The following ENO2 variants were observed in gnomAD, a reference collection of about 807,000 sequenced individuals.
ENO2 encodes the protein enolase 2.
Under a neutral mutation model 48.7 loss-of-function variants are expected in ENO2, and 19 were observed. The observed-to-expected ratio is 0.39, with a 90% CI of 0.27 to 0.57. ENO2 has a LOEUF of 0.57. ENO2 is among the 20% of genes least tolerant of loss of function. The pLI is 0.58. For synonymous variants in ENO2, 198 were observed against 213.4 expected (o/e 0.93, Z 0.63); for missense variants, 416 against 555.0 (o/e 0.75, Z 2.52).
rs535002011 is a variant in ENO2 at position 6,916,505 on chromosome 12, A to G, written c.174A>G (p.Leu58=). 2.5e-6 allele frequency: 4 copies of G among 1,614,014 alleles called. No individual in the cohort carries two copies. Among genetic ancestry groups the G allele is most frequent in the South Asian group, 2.2e-5 (2 of 91,062 alleles). ...GGGATGGAGACAAACAGCGTTACTT[A>G]GGCAAAGGTGAGGTCCCTTCTCTTT... The part of the protein sequence containing the change: ...ELRDGDKQRY[L]GKGVLKAVDH... The change falls in exon 3 of 12, where the codon TTA becomes TTG. Residue 58 remains leucine, a synonymous_variant. Transcript: ENST00000229277. This position sits in a 1 kb window ranked among gnomAD's most constrained non-coding sequence, Gnocchi z 4.5.
chr12:6,922,925 G>C lies in ENO2; in HGVS notation c.*125G>C. 1.0e-6 allele frequency: 1 copy of C among 981,442 alleles called. No individual in the cohort carries two copies. The highest frequency in any genetic ancestry group is 1.6e-6 in the Non-Finnish European group (1 of 635,788). 60.8% of individuals were successfully genotyped at this position (981,442 alleles called of 1,614,324 possible). On this transcript the variant is annotated 3_prime_UTR_variant, in exon 12 of 12. Transcript: ENST00000229277. This position sits in a 1 kb window ranked among gnomAD's most constrained non-coding sequence, Gnocchi z 5.3. The stretch of plus-strand genomic sequence containing the variant: ...CAGGGTGCCCAGAACTTCCCTGATT[G>C]ACCTGCTCCGCTGCTCCTTGGCTTA...
rs1945350439 is a variant in ENO2 at position 6,922,588 on chromosome 12, G to A, written c.1236-143G>A. ...GATTGACAAATCCCAGAGATCACAT[G>A]GGAAAGCCAGGGAATGCTAAGCCTT... On this transcript the variant is annotated intron_variant, in intron 11 of 11. Coordinates refer to ENST00000229277, the MANE Select transcript of ENO2 (RefSeq NM_001975.3). The surrounding 1 kb of genome is among the most constrained non-coding windows in gnomAD (Gnocchi z 5.3). 1.6e-6 allele frequency: 2 copies of A among 1,275,342 alleles called. No individual in the cohort carries two copies. The highest frequency in any genetic ancestry group is 1.5e-5 in the African/African-American group (1 of 67,914). The allele number at this position is 1,275,342 out of a possible 1,614,324, so 79.0% of individuals were successfully genotyped here.
chr12:6,915,705 A>ACCCCCC, intron 1 of ENO2, 116 bp from the exon 2 acceptor site: 2 of 90,310 alleles, frequency 2.2e-5, no homozygotes, highest in Non-Finnish European at 4.5e-5. Flanking sequence ...CCCACCCCCC[A>ACCCCCC]CCCACTGCAG....
At chr12:6,917,907 CTT>C (rs1555141794) in intron 6 of ENO2, 31 bp from the exon 7 acceptor site, 6 of 1,611,842 alleles carry the variant, frequency 3.7e-6, no homozygotes, top group Middle Eastern at 1.9e-4. Context: ...GGGAGGGGCT[CTT>C]TGACCCTTCT....
chr12:6,917,628 A>G lies in ENO2; in HGVS notation c.358A>G (p.Lys120Glu), dbSNP rs1555141730. The change falls in exon 6 of 12, where the codon AAG becomes GAG. Residue 120 changes from lysine to glutamate, a missense_variant. Physicochemically the swap from Lys to Glu is moderately conservative, Grantham distance 56. Coordinates refer to ENST00000229277, the MANE Select transcript of ENO2 (RefSeq NM_001975.3). ...AILGVSLAVC[K>E]AGAAERELPL... The stretch of plus-strand genomic sequence containing the variant: ...CCTGGGTGTGTCTCTGGCCGTGTGT[A>G]AGGCAGGGGCAGCTGAGCGGGAACT... The G allele has an allele frequency of 1.2e-6, 2 of 1,613,724 alleles. No homozygotes were observed. The highest frequency in any genetic ancestry group is 4.5e-5 in the East Asian group (2 of 44,876).
rs139729747 is a variant in ENO2, at chr12:6,914,657, G to A, written c.-15G>A. ...TACCACCGTCTGAGTCTGCAGTCCC[G>A]AGGTGAAGCCCCCGCCAGGCCCAGA... On this transcript the variant is annotated splice_region_variant and 5_prime_UTR_variant, in exon 1 of 12. Transcript: ENST00000229277. This position sits in a 1 kb window ranked among gnomAD's most constrained non-coding sequence, Gnocchi z 7.1. 0.01 allele frequency: 1,604 copies of A among 159,130 alleles called. 31 individuals are homozygous for A. Among genetic ancestry groups the A allele is most frequent in the South Asian group, 0.067 (442 of 6,640 alleles). 9.9% of individuals were successfully genotyped at this position (159,130 alleles called of 1,614,324 possible).
Position 6,917,717 on chromosome 12 carries a change from G to A in ENO2, c.444+3G>A. 7.5e-7 allele frequency: 1 copy of A among 1,325,870 alleles called. No individual in the cohort carries two copies. The highest frequency in any genetic ancestry group is 9.8e-7 in the Non-Finnish European group (1 of 1,019,020). 82.1% of individuals were successfully genotyped at this position (1,325,870 alleles called of 1,614,324 possible). On this transcript the variant is annotated splice_donor_region_variant and intron_variant, in intron 6 of 11. Coordinates refer to ENST00000229277, the MANE Select transcript of ENO2 (RefSeq NM_001975.3). ...CAGACCTCATCCTGCCTGTGCCGGT[G>A]AGCAATAAGCCAGCCTGCGGCTCTC...
In ENO2 at chr12:6,916,610, T is replaced by A; in HGVS notation, c.182-61T>A. On this transcript the variant is annotated intron_variant, in intron 3 of 11. Transcript: ENST00000229277. The surrounding 1 kb of genome is among the most constrained non-coding windows in gnomAD (Gnocchi z 4.5). ...CCTCCTCTAGCATGGCTTCCCCTCC[T>A]CCCATTGATCCCTTCCGGCCCCTCC... is the stretch of plus-strand genomic sequence containing the variant. The A allele has an allele frequency of 1.9e-6, 3 of 1,611,748 alleles. No individual in the cohort carries two copies. Among genetic ancestry groups the A allele is most frequent in the Non-Finnish European group, 2.5e-6 (3 of 1,178,032 alleles).
rs782450771 is a variant in ENO2, at chr12:6,917,721, A to C, written c.444+7A>C. The C allele has an allele frequency of 4.7e-5, 69 of 1,463,910 alleles. No homozygotes were observed. Among genetic ancestry groups the C allele is most frequent in the Non-Finnish European group, 5.9e-5 (66 of 1,111,448 alleles). The allele number at this position is 1,463,910 out of a possible 1,614,324, so 90.7% of individuals were successfully genotyped here. On this transcript the variant is annotated splice_region_variant and intron_variant, in intron 6 of 11. Transcript: ENST00000229277. ...CCTCATCCTGCCTGTGCCGGTGAGC[A>C]ATAAGCCAGCCTGCGGCTCTCCCAG...
chr12:6,915,997 T>G (rs1945287589), intron 2 of ENO2, 80 bp downstream of exon 2: 2 of 1,400,372 alleles, frequency 1.4e-6, no homozygotes, highest in Admixed American at 3.5e-5. Flanking sequence ...TTCGGAGGCC[T>G]TTTTTGATAC....
chr12:6,921,177 T>G (rs1461645730), intron 8 of ENO2, among the ~76,000 whole-genome samples: 1 of 151,260 alleles, frequency 6.6e-6, no homozygotes, highest in Non-Finnish European at 1.5e-5. Context: ...GGAGGACTGC[T>G]TGAATCCAGG....
intron 8 of ENO2, among the ~76,000 whole-genome samples, chr12:6,920,690 A>C (rs1591653480): frequency 7.1e-6 from 1 of 140,740 alleles, no homozygotes; most frequent in African/African-American, 2.6e-5. Flanking sequence ...GTGAGCCACC[A>C]CGCCTGGCTG....
intron 1 of ENO2, 62 bp from the exon 2 acceptor site, chr12:6,915,759 A>C: frequency 2.5e-6 from 2 of 803,018 alleles, no homozygotes; most frequent in Non-Finnish European, 1.9e-6. Flanking sequence ...CCGCCCATTG[A>C]TCTCAGGCTC....
chr12:6,922,485 C>T lies in ENO2; in HGVS notation c.1235+83C>T. The T allele has an allele frequency of 6.5e-7, 1 of 1,546,804 alleles. No individual in the cohort carries two copies. The highest frequency in any genetic ancestry group is 8.9e-7 in the Non-Finnish European group (1 of 1,120,100). ...GCCAGACCATCTGTAGCACCAAGGGCCTGGATAACAGTCCATTTCCTGGAT... is the reference window on the plus strand; with the variant it reads ...GCCAGACCATCTGTAGCACCAAGGGTCTGGATAACAGTCCATTTCCTGGAT... On this transcript the variant is annotated intron_variant, in intron 11 of 11. Transcript: ENST00000229277. This position sits in a 1 kb window ranked among gnomAD's most constrained non-coding sequence, Gnocchi z 5.3.
rs199538185 is a variant in ENO2 at position 6,916,710 on chromosome 12, C to T, written c.221C>T (p.Ala74Val). 5.3e-5 allele frequency: 85 copies of T among 1,614,182 alleles called. No individual in the cohort carries two copies. In the East Asian group the frequency reaches 1.5e-3, roughly 28 times the overall value. ...KAVDHINSTI[A>V]PALISSGLSV... ...GTGGACCACATCAACTCCACCATCG[C>T]GCCAGCCCTCATCAGCTCAGTGAGG... The change falls in exon 4 of 12, where the codon GCG becomes GTG. Residue 74 changes from alanine to valine, a missense_variant. Transcript: ENST00000229277. The surrounding 1 kb of genome is among the most constrained non-coding windows in gnomAD (Gnocchi z 4.5).
chr12:6,917,941 C>G lies in ENO2; in HGVS notation c.446C>G (p.Ala149Gly). 1.9e-6 allele frequency: 3 copies of G among 1,614,002 alleles called. No individual in the cohort carries two copies. Among genetic ancestry groups the G allele is most frequent in the Non-Finnish European group, 2.5e-6 (3 of 1,180,008 alleles). Reference sequence around the variant, plus strand: ...TTCTGTCTTTCTGTGGCTCCCCAGGCCTTCAACGTGATCAATGGTGGCTCT... The same window carrying G: ...TTCTGTCTTTCTGTGGCTCCCCAGGGCTTCAACGTGATCAATGGTGGCTCT... ...GNSDLILPVP[A>G]FNVINGGSHA... is the part of the protein sequence containing the mutation. Residue 149 changes from alanine (A) to glycine (G), a missense_variant and splice_region_variant, in exon 7 of 12, where the codon GCC becomes GGC. Physicochemically the swap from Ala to Gly is moderately conservative, Grantham distance 60 (BLOSUM62 0). Coordinates refer to ENST00000229277, the MANE Select transcript of ENO2 (RefSeq NM_001975.3).
rs1473325648 is a variant in ENO2 at position 6,923,669 on chromosome 12, G to A, written c.*869G>A. On this transcript the variant is annotated 3_prime_UTR_variant, in exon 12 of 12. Coordinates refer to ENST00000229277, the MANE Select transcript of ENO2 (RefSeq NM_001975.3). Reference sequence around the variant, plus strand: ...CACCACCTCTGTGGCATTGAAATGAGCACCTCCATTAAAGTCTGAATCAGT... The same window carrying A: ...CACCACCTCTGTGGCATTGAAATGAACACCTCCATTAAAGTCTGAATCAGT... 2 of 152,272 alleles carry A rather than the reference G, an allele frequency of 1.3e-5. No individual in the cohort carries two copies. The highest frequency in any genetic ancestry group is 3.2e-3 in the Middle Eastern group (1 of 316). The allele number at this position is 152,272 out of a possible 1,614,324, so 9.4% of individuals were successfully genotyped here.
chr12:6,917,911 G>C, intron 6 of ENO2, 29 bp from the exon 7 acceptor site: 1 of 1,612,284 alleles, frequency 6.2e-7, no homozygotes, highest in Non-Finnish European at 8.5e-7. Flanking sequence ...GGGGCTCTTT[G>C]ACCCTTCTGT....
intron 2 of ENO2, 77 bp downstream of exon 2, chr12:6,915,994 G>C: frequency 6.6e-7 from 1 of 1,513,532 alleles, no homozygotes; most frequent in Non-Finnish European, 9.2e-7. Context: ...GGGTTCGGAG[G>C]CCTTTTTTGA....
Sources: allele counts gnomAD v4.1 joint callset (sites outside exome capture counted in the v4.1 genomes callset), GRCh38; gene constraint gnomAD v4.1.1; non-coding constraint Gnocchi (gnomAD v3.1); transcripts MANE v1.5; gene names NCBI Gene and HGNC (gene_info 2026-07-23, HGNC 2026-07-21).